The following PHF24 variants were observed in gnomAD, a reference collection of about 807,000 sequenced individuals.
PHF24 encodes PHD finger protein 24, also known as Galpha inhibitory interacting protein.
Under a neutral mutation model 42.6 loss-of-function variants are expected in PHF24, and 25 were observed. The ratio of observed to expected loss-of-function variants is 0.59; its 90% CI spans 0.43 to 0.82. The LOEUF is 0.82. Ranked by LOEUF, PHF24 falls within the 40% of genes least tolerant of loss-of-function variation. The pLI, the probability that PHF24 is intolerant of heterozygous loss-of-function variation, is 0.00. For synonymous variants in PHF24, 185 were observed against 204.8 expected, an observed-to-expected ratio of 0.90 and a Z score of 0.83; for missense variants, 470 against 538.1, an observed-to-expected ratio of 0.87 and a Z score of 1.25.
the PHF24 span, among the ~76,000 whole-genome samples, chr9:34,810,034 C>A: frequency 6.6e-6 from 1 of 151,238 alleles, no homozygotes; most frequent in Admixed American, 6.6e-5. Flanking sequence ...CCGCCGCCCA[C>A]GCCTCAACTC....
the PHF24 span, among the ~76,000 whole-genome samples, chr9:34,707,483 T>A: frequency 1.3e-5 from 2 of 152,214 alleles, no homozygotes; most frequent in African/African-American, 4.8e-5. Flanking sequence ...TTAAGGAACA[T>A]TTCAAAAGTA....
At chr9:34,684,002 T>A in the PHF24 span, among the ~76,000 whole-genome samples, 1 of 152,210 alleles carries the variant, frequency 6.6e-6, no homozygotes, top group South Asian at 2.1e-4. Context: ...GCTCTGGGAG[T>A]GGTTCTGGCT....
At chr9:34,769,514 C>T in the PHF24 span, among the ~76,000 whole-genome samples, 4 of 152,062 alleles carry the variant, frequency 2.6e-5, no homozygotes, top group Non-Finnish European at 5.9e-5. Flanking sequence ...CTAATGTGAT[C>T]CCAACAAAAA....
the PHF24 span, among the ~76,000 whole-genome samples, chr9:34,836,258 G>T: frequency 6.6e-6 from 1 of 152,192 alleles, no homozygotes; most frequent in Non-Finnish European, 1.5e-5. Context: ...GTTGGACAAG[G>T]CCTCAGACAA....
At chr9:34,700,913 A>G in the PHF24 span, among the ~76,000 whole-genome samples, 2 of 152,138 alleles carry the variant, frequency 1.3e-5, no homozygotes, top group Non-Finnish European at 2.9e-5. Context: ...TAAGGCACCT[A>G]CCCACAGCTG....
the PHF24 span, among the ~76,000 whole-genome samples, chr9:34,811,787 A>G: frequency 6.6e-6 from 1 of 152,364 alleles, no homozygotes; most frequent in East Asian, 1.9e-4. Flanking sequence ...ACAAAAGAAA[A>G]AACAGATAAA....
chr9:34,831,703 C>T, the PHF24 span, among the ~76,000 whole-genome samples: 1 of 152,110 alleles, frequency 6.6e-6, no homozygotes, highest in Admixed American at 6.5e-5. Context: ...ACTACGTGAC[C>T]CTGCTCCCTA....
chr9:34,837,199 G>A, the PHF24 span: 9 of 458,556 alleles, frequency 2.0e-5, no homozygotes, highest in Non-Finnish European at 4.0e-5. Context: ...GAGGAGGTTG[G>A]AGGCCTTTGA....
the PHF24 span, among the ~76,000 whole-genome samples, chr9:34,903,401 T>C: frequency 6.6e-6 from 1 of 151,950 alleles, no homozygotes; most frequent in Non-Finnish European, 1.5e-5. Context: ...ACCCCATCTC[T>C]ACAAAAAATA....
chr9:34,742,453 A>G, the PHF24 span, among the ~76,000 whole-genome samples: 1 of 152,168 alleles, frequency 6.6e-6, no homozygotes, highest in Admixed American at 6.5e-5. Context: ...TCTGGGCACT[A>G]CTACAGTACC....
the PHF24 span, among the ~76,000 whole-genome samples, chr9:34,777,625 A>G: frequency 2.8e-4 from 42 of 152,222 alleles, 1 homozygote; most frequent in Non-Finnish European, 4.0e-4. Flanking sequence ...TGCAGTAGCA[A>G]AGTAGTGCTT....
At chr9:34,824,491 G>A in the PHF24 span, among the ~76,000 whole-genome samples, 1 of 152,184 alleles carries the variant, frequency 6.6e-6, no homozygotes, top group Non-Finnish European at 1.5e-5. Flanking sequence ...TTGGAGTGAG[G>A]TAGTGGTAAG....
the PHF24 span, among the ~76,000 whole-genome samples, chr9:34,792,887 G>A: frequency 2.6e-5 from 4 of 152,162 alleles, no homozygotes; most frequent in Non-Finnish European, 5.9e-5. Flanking sequence ...TCCCCAGGAG[G>A]TGGAAATTGT....
chr9:34,930,920 G>A, the PHF24 span, among the ~76,000 whole-genome samples: 2 of 152,108 alleles, frequency 1.3e-5, no homozygotes, highest in African/African-American at 4.8e-5. Flanking sequence ...ATCTCATGTC[G>A]AATTGTAATC....
the PHF24 span, among the ~76,000 whole-genome samples, chr9:34,927,543 C>T: frequency 6.6e-6 from 1 of 152,112 alleles, no homozygotes; most frequent in African/African-American, 2.4e-5. Context: ...TTGGGAAGAC[C>T]GTAGGATTCT....
chr9:34,888,175 T>G, the PHF24 span, among the ~76,000 whole-genome samples: 1 of 152,112 alleles, frequency 6.6e-6, no homozygotes, highest in Non-Finnish European at 1.5e-5. Flanking sequence ...TTACATATCA[T>G]CTCTTCTAGG....
chr9:34,868,691 T>C, the PHF24 span, among the ~76,000 whole-genome samples: 1 of 152,222 alleles, frequency 6.6e-6, no homozygotes, highest in African/African-American at 2.4e-5. Flanking sequence ...CAGCTACTTA[T>C]CCTTATAGAG....
chr9:34,730,569 C>A, the PHF24 span, among the ~76,000 whole-genome samples: 1 of 152,212 alleles, frequency 6.6e-6, no homozygotes. Flanking sequence ...GCCGCATTGG[C>A]TTTCTGCTTT....
intron 1 of PHF24, among the ~76,000 whole-genome samples, chr9:34,959,072 G>A (rs1324906007): frequency 6.6e-6 from 1 of 152,178 alleles, no homozygotes; most frequent in African/African-American, 2.4e-5. Context: ...CTCCATGGTA[G>A]CCCAGTTGCT....
Sources: allele counts gnomAD v4.1 joint callset (sites outside exome capture counted in the v4.1 genomes callset), GRCh38; gene constraint gnomAD v4.1.1; transcripts MANE v1.5; gene names NCBI Gene and HGNC (gene_info 2026-07-23, HGNC 2026-07-21).